TECPR2: variants seen among roughly 807,000 people sequenced by gnomAD.
TECPR2 encodes tectonin beta-propeller repeat-containing protein 2.
In TECPR2, 65 loss-of-function variants were observed where a neutral mutation model predicts 138.1. The observed-to-expected ratio is 0.47, with a 90% CI of 0.39 to 0.58. The LOEUF (loss-of-function observed/expected upper bound fraction) is 0.58, where lower values mean the gene tolerates loss of function less well. Ranked by LOEUF, TECPR2 falls within the 20% of genes least tolerant of loss-of-function variation. The pLI, the probability that TECPR2 is intolerant of heterozygous loss-of-function variation, is 0.00. For synonymous variants in TECPR2, 746 were observed against 749.8 expected (o/e 0.99, Z 0.08); for missense variants, 1,553 against 1,824.5 (o/e 0.85, Z 2.71).
At chr14:102,494,739 G>A (rs1891236049) in intron 17 of TECPR2, among the ~76,000 whole-genome samples, 1 of 151,086 alleles carries the variant, frequency 6.6e-6, no homozygotes, top group African/African-American at 2.4e-5. Context: ...CAGGAGAATT[G>A]CTTGAACCTG....
chr14:102,365,322 A>G (rs902288052), intron 1 of TECPR2, among the ~76,000 whole-genome samples: 1 of 152,210 alleles, frequency 6.6e-6, no homozygotes, highest in Non-Finnish European at 1.5e-5. Flanking sequence ...GTGAAAGCAG[A>G]GAAAGACCAA....
intron 2 of TECPR2, among the ~76,000 whole-genome samples, chr14:102,400,148 T>C (rs944624788): frequency 6.6e-6 from 1 of 151,556 alleles, no homozygotes; most frequent in Non-Finnish European, 1.5e-5. Context: ...CGGGTTCAAG[T>C]GATTCTTGTG....
At position 102,407,943 on chromosome 14, in the gene TECPR2, G is replaced by A. The variant is rs931628291; in HGVS notation, c.348+477G>A. Among the ~76,000 whole-genome samples the A allele has an allele frequency of 3.1e-4, 47 of 152,170 alleles. 1 individual carries two copies. Among genetic ancestry groups the A allele is most frequent in the African/African-American group, 1.1e-3 (45 of 41,532 alleles). On this transcript the variant is annotated intron_variant, in intron 3 of 19. Transcript: ENST00000359520. ...ACCCGGAAGACGGAGCTTGCAGTGA[G>A]CGGAGATCACGCCACTGCACTCCAG...
chr14:102,445,883 A>G lies in TECPR2; in HGVS notation c.3011A>G (p.Asn1004Ser). 6.2e-7 allele frequency: 1 copy of G among 1,613,920 alleles called. No individual in the cohort carries two copies. The highest frequency in any genetic ancestry group is 1.1e-5 in the South Asian group (1 of 91,076). Residue 1004 changes from asparagine (N) to serine (S), a missense_variant, in exon 13 of 20, where the codon AAC (asparagine) becomes AGC (serine). By Grantham distance (46) the Asn-to-Ser change is conservative (BLOSUM62 1). Transcript: ENST00000359520. ...CTCTGGGCCCTGGACATCCATGGGA[A>G]CCTGTGGTTCAGAACTGGCATTATT... ...QTLWALDIHG[N>S]LWFRTGIISK...
At chr14:102,399,471 TACTC>T (rs749117107) in intron 2 of TECPR2, among the ~76,000 whole-genome samples, 1 of 151,988 alleles carries the variant, frequency 6.6e-6, no homozygotes, top group Non-Finnish European at 1.5e-5. Context: ...CCGCAAGAAA[TACTC>T]AAGTGAGTCC....
chr14:102,405,390 C>T (rs1015118105), intron 2 of TECPR2, among the ~76,000 whole-genome samples: 1 of 151,964 alleles, frequency 6.6e-6, no homozygotes, highest in Admixed American at 6.6e-5. Flanking sequence ...AGATGTTTCC[C>T]CAGAGAAGGT....
intron 6 of TECPR2, among the ~76,000 whole-genome samples, chr14:102,427,527 A>G (rs1889355204): frequency 6.6e-6 from 1 of 152,144 alleles, no homozygotes; most frequent in African/African-American, 2.4e-5. Flanking sequence ...ACAACAGACT[A>G]GTCTCTTTAT....
intron 2 of TECPR2, among the ~76,000 whole-genome samples, chr14:102,400,304 C>G (rs1210924062): frequency 6.6e-6 from 1 of 152,172 alleles, no homozygotes; most frequent in Non-Finnish European, 1.5e-5. Context: ...CTTGGCCTCC[C>G]AAAGTGCTGG....
At chr14:102,385,380 T>TC (rs1887969398) in intron 2 of TECPR2, among the ~76,000 whole-genome samples, 1 of 152,060 alleles carries the variant, frequency 6.6e-6, no homozygotes, top group African/African-American at 2.4e-5. Context: ...ACTTTGGGGA[T>TC]CAGACTTCAA....
At chr14:102,404,007 C>G (rs955505065) in intron 2 of TECPR2, among the ~76,000 whole-genome samples, 3 of 152,026 alleles carry the variant, frequency 2.0e-5, no homozygotes, top group African/African-American at 7.2e-5. Context: ...AAGTGATCCT[C>G]CCACCTCAGA....
At chr14:102,423,505 A>G (rs932381158) in intron 5 of TECPR2, among the ~76,000 whole-genome samples, 6 of 151,082 alleles carry the variant, frequency 4.0e-5, no homozygotes, top group Admixed American at 4.0e-4. Context: ...CTCATCAGCT[A>G]TTGTTAGTGT....
intron 17 of TECPR2, among the ~76,000 whole-genome samples, chr14:102,484,637 C>G (rs1045471206): frequency 5.3e-5 from 8 of 152,160 alleles, no homozygotes; most frequent in Admixed American, 2.0e-4. Context: ...TTCCTCCCCT[C>G]ATTCTCTCTG....
chr14:102,420,246 C>T lies in TECPR2; in HGVS notation c.639-4733C>T, dbSNP rs78505073. Among the ~76,000 whole-genome samples the T allele has an allele frequency of 2.3e-3, 351 of 152,166 alleles. 12 individuals are homozygous for T. In the East Asian group the frequency reaches 0.047, roughly 20 times the overall value. On this transcript the variant is annotated intron_variant, in intron 5 of 19. Transcript: ENST00000359520. This position sits in a 1 kb window ranked among gnomAD's most constrained non-coding sequence, Gnocchi z 4.1. Reference sequence around the variant, plus strand: ...TGAGGTTTTTGGAAATCATCTCTACCGAAATTAAGAAATTATATTAATTTG... The same window carrying T: ...TGAGGTTTTTGGAAATCATCTCTACTGAAATTAAGAAATTATATTAATTTG...
At chr14:102,467,688 T>C (rs1457977798) in intron 17 of TECPR2, among the ~76,000 whole-genome samples, 1 of 152,178 alleles carries the variant, frequency 6.6e-6, no homozygotes, top group African/African-American at 2.4e-5. Flanking sequence ...ATGTCTAATT[T>C]TTTAATACTA....
intron 15 of TECPR2, among the ~76,000 whole-genome samples, chr14:102,451,721 A>G (rs1213306935): frequency 6.6e-6 from 1 of 152,200 alleles, no homozygotes; most frequent in Non-Finnish European, 1.5e-5. Flanking sequence ...AGTTGTAGAT[A>G]ATACTTCATA....
intron 2 of TECPR2, among the ~76,000 whole-genome samples, chr14:102,401,457 CAAAA>C (rs1465169438): frequency 8.1e-6 from 1 of 123,184 alleles, no homozygotes; most frequent in Non-Finnish European, 1.8e-5. Flanking sequence ...AAAAAAAAAA[CAAAA>C]AACAATCCTA....
intron 2 of TECPR2, among the ~76,000 whole-genome samples, chr14:102,400,335 G>A (rs117222067): frequency 9.2e-5 from 14 of 152,208 alleles, no homozygotes; most frequent in East Asian, 3.9e-4. Flanking sequence ...GTGAGCCACC[G>A]TGCCCAGCCC....
At position 102,452,598 on chromosome 14, in the gene TECPR2, A is replaced by G. The variant is rs777143146; in HGVS notation, c.3611A>G (p.His1204Arg). 4 of 1,603,508 alleles carry G rather than the reference A, an allele frequency of 2.5e-6. No homozygotes were observed. The highest frequency in any genetic ancestry group is 1.3e-5 in the African/African-American group (1 of 74,842). Residue 1204 changes from histidine (H) to arginine (R), a missense_variant, in exon 16 of 20, where the codon CAC becomes CGC. Coordinates refer to ENST00000359520, the MANE Select transcript of TECPR2 (RefSeq NM_014844.5). The stretch of plus-strand genomic sequence containing the variant: ...TCCAAGAGCTGCCCCACGGGCATGC[A>G]CTGGACCAGGCTGGACCTCTCCCAG... ...TLSKSCPTGM[H>R]WTRLDLSQLG...
chr14:102,487,022 G>C (rs1044939174), intron 17 of TECPR2, among the ~76,000 whole-genome samples: 4 of 152,164 alleles, frequency 2.6e-5, no homozygotes, highest in African/African-American at 9.7e-5. Flanking sequence ...GAGGCTGCAC[G>C]GATAGACGGA....
Sources: allele counts gnomAD v4.1 joint callset (sites outside exome capture counted in the v4.1 genomes callset), GRCh38; gene constraint gnomAD v4.1.1; non-coding constraint Gnocchi (gnomAD v3.1); transcripts MANE v1.5; gene names NCBI Gene and HGNC (gene_info 2026-07-23, HGNC 2026-07-21).